PRKG2: variants seen among roughly 807,000 people sequenced by gnomAD.
PRKG2 encodes cGMP-dependent protein kinase 2.
Under a neutral mutation model 97.2 loss-of-function variants are expected in PRKG2, and 33 were observed. The ratio of observed to expected loss-of-function variants is 0.34; its 90% CI spans 0.26 to 0.45. The LOEUF is 0.45. Among genes scored for constraint, PRKG2 ranks in the 20% least tolerant of loss-of-function variants. PRKG2 has a pLI of 1.00. For missense variants in PRKG2, 638 were observed against 900.0 expected (o/e 0.71, Z 3.73); for synonymous variants, 330 against 321.8 (o/e 1.03, Z -0.27).
intron 6 of PRKG2, among the ~76,000 whole-genome samples, chr4:81,158,686 G>A (rs1749330548): frequency 6.6e-6 from 1 of 152,054 alleles, no homozygotes; most frequent in South Asian, 2.1e-4. Flanking sequence ...CACACTACCT[G>A]ACTTCAAACT....
chr4:81,214,167 AAAAG>A (rs1220284211), intron 1 of PRKG2, among the ~76,000 whole-genome samples: 6 of 151,330 alleles, frequency 4.0e-5, no homozygotes, highest in South Asian at 2.1e-4. Context: ...AAAAAAAAAA[AAAAG>A]AAGGAGAAGA....
In PRKG2 at chr4:81,110,366, A is replaced by C. The variant is rs1350721394; in HGVS notation, c.1940+82T>G. 1.0e-4 allele frequency: 147 copies of C among 1,410,386 alleles called. 3 individuals carry two copies. In the East Asian group the frequency reaches 3.4e-3, roughly 32 times the overall value. The allele number at this position is 1,410,386 out of a possible 1,614,324, so 87.4% of individuals were successfully genotyped here. On this transcript the variant is annotated intron_variant, in intron 15 of 18. Transcript: ENST00000264399. ...AACATTTTCAAAATGTTACGCTCTT[A>C]AAGTATATACACTTTATCACTAGTT... is the stretch of plus-strand genomic sequence containing the variant.
chr4:81,143,782 G>A (rs1421652816), intron 10 of PRKG2, among the ~76,000 whole-genome samples: 1 of 151,984 alleles, frequency 6.6e-6, no homozygotes, highest in African/African-American at 2.4e-5. Flanking sequence ...GAGTTTTCTA[G>A]TACACACAAA....
intron 14 of PRKG2, among the ~76,000 whole-genome samples, chr4:81,121,628 T>C (rs111440036): frequency 0.026 from 3,996 of 152,260 alleles, 173 homozygotes; most frequent in African/African-American, 0.091. Flanking sequence ...ATTAACTTAA[T>C]ATCCATGGAA....
intron 6 of PRKG2, among the ~76,000 whole-genome samples, chr4:81,162,069 T>C (rs1749628701): frequency 1.3e-5 from 2 of 152,270 alleles, no homozygotes; most frequent in African/African-American, 2.4e-5. Context: ...AGGATGATAA[T>C]GATTTGCTCA....
Position 81,174,952 on chromosome 4 carries a change from T to G in PRKG2, c.469A>C (p.Lys157Gln), listed in dbSNP as rs922114447. 1 of 1,605,996 alleles carries G rather than the reference T, an allele frequency of 6.2e-7. No individual in the cohort carries two copies. The highest frequency in any genetic ancestry group is 8.5e-7 in the Non-Finnish European group (1 of 1,175,408). ...ARVRKDSSEK[K>Q]LITDALNKNQ... ...TTATTAAGGGCATCTGTAATGAGCT[T>G]CTTCTCACTGGTATAATGGAAAAGA... Residue 157 changes from lysine (K) to glutamine (Q), a missense_variant, in exon 3 of 19, where the codon AAG becomes CAG. By Grantham distance (53) the Lys-to-Gln change is moderately conservative. Around this residue, in one of 3 missense-constraint regions of PRKG2, gnomAD observed 332 missense variants for 421.7 expected, o/e 0.79. Coordinates refer to ENST00000264399, the MANE Select transcript of PRKG2 (RefSeq NM_006259.3).
chr4:81,159,853 G>C (rs1411317213), intron 6 of PRKG2, among the ~76,000 whole-genome samples: 1 of 150,992 alleles, frequency 6.6e-6, no homozygotes, highest in African/African-American at 2.4e-5. Context: ...GTAAACTATT[G>C]CAAGAACAAA....
chr4:81,113,032 C>T (rs139482186), intron 14 of PRKG2, among the ~76,000 whole-genome samples: 21 of 152,116 alleles, frequency 1.4e-4, no homozygotes, highest in African/African-American at 1.2e-4. Flanking sequence ...TGTAAGCATC[C>T]GAGCGGCAGT....
At chr4:81,207,680 T>C (rs1463531063) in intron 1 of PRKG2, among the ~76,000 whole-genome samples, 2 of 152,178 alleles carry the variant, frequency 1.3e-5, no homozygotes, top group East Asian at 1.9e-4. Flanking sequence ...TCTGGTTTAG[T>C]TGGAAGCTAT....
At chr4:81,134,452 T>C (rs2110026093) in intron 14 of PRKG2, among the ~76,000 whole-genome samples, 1 of 152,332 alleles carries the variant, frequency 6.6e-6, no homozygotes, top group African/African-American at 2.4e-5. Flanking sequence ...GGTAAAAGCT[T>C]GGGTTCCCCA....
At chr4:81,168,835 T>C (rs1216949684) in intron 5 of PRKG2, among the ~76,000 whole-genome samples, 2 of 152,018 alleles carry the variant, frequency 1.3e-5, no homozygotes, top group Non-Finnish European at 2.9e-5. Flanking sequence ...TGAAGGATTC[T>C]CATGCTAGAA....
intron 6 of PRKG2, among the ~76,000 whole-genome samples, chr4:81,161,775 T>C (rs1749608092): frequency 6.6e-6 from 1 of 152,130 alleles, no homozygotes; most frequent in Non-Finnish European, 1.5e-5. Context: ...CCAGAAATAA[T>C]TCTATGCTCA....
At chr4:81,161,305 T>C (rs1286788718) in intron 6 of PRKG2, among the ~76,000 whole-genome samples, 4 of 152,214 alleles carry the variant, frequency 2.6e-5, no homozygotes, top group African/African-American at 9.6e-5. Flanking sequence ...AGAAATTTAC[T>C]TTCCTCAACC....
chr4:81,198,317 A>C (rs1222375073), intron 2 of PRKG2, among the ~76,000 whole-genome samples: 19 of 147,742 alleles, frequency 1.3e-4, no homozygotes, highest in Admixed American at 1.2e-3. Flanking sequence ...AGAGAAAAGA[A>C]AAGACAGAGG....
chr4:81,143,828 C>A (rs757233239), intron 10 of PRKG2, among the ~76,000 whole-genome samples: 10 of 152,092 alleles, frequency 6.6e-5, no homozygotes, highest in Non-Finnish European at 1.3e-4. Context: ...GAGACCTACC[C>A]AACCCCCTCC....
intron 2 of PRKG2, among the ~76,000 whole-genome samples, chr4:81,179,805 A>G (rs1224435215): frequency 6.6e-6 from 1 of 152,152 alleles, no homozygotes; most frequent in African/African-American, 2.4e-5. Context: ...CATAATTTAT[A>G]GTGAGGCCTA....
chr4:81,105,132 G>A (rs1334164728), intron 16 of PRKG2, among the ~76,000 whole-genome samples: 2 of 152,026 alleles, frequency 1.3e-5, no homozygotes, highest in African/African-American at 2.4e-5. Flanking sequence ...GAGAAAATTC[G>A]TTACGCGTAT....
chr4:81,137,504 TG>T, intron 12 of PRKG2, 22 bp from the exon 13 acceptor site: 2 of 1,553,054 alleles, frequency 1.3e-6, no homozygotes, highest in Non-Finnish European at 8.9e-7. Context: ...GATAAAAACA[TG>T]GTTATTATTG....
intron 2 of PRKG2, among the ~76,000 whole-genome samples, chr4:81,183,773 C>A (rs910014199): frequency 6.6e-6 from 1 of 152,102 alleles, no homozygotes; most frequent in Non-Finnish European, 1.5e-5. Flanking sequence ...GTACAGCAGT[C>A]TGAAGTCAAC....
Sources: allele counts gnomAD v4.1 joint callset (sites outside exome capture counted in the v4.1 genomes callset), GRCh38; gene constraint gnomAD v4.1.1; regional missense constraint gnomAD v4.1.1; transcripts MANE v1.5; gene names NCBI Gene and HGNC (gene_info 2026-07-23, HGNC 2026-07-21).